Variants in PSMB2 observed in about 807,000 individuals in gnomAD.
The protein encoded by PSMB2 is proteasome 20S subunit beta 2, also known as proteasome subunit beta type-2.
A neutral mutation model predicts 25.7 loss-of-function variants in PSMB2; 13 were observed. That is an observed-to-expected ratio of 0.51 (90% CI 0.33 to 0.80). The LOEUF (loss-of-function observed/expected upper bound fraction) is 0.80, where lower values mean the gene tolerates loss of function less well. Among genes scored for constraint, PSMB2 ranks in the 30% least tolerant of loss-of-function variants. The pLI, the probability that PSMB2 is intolerant of heterozygous loss-of-function variation, is 0.02. For missense variants in PSMB2, 202 were observed against 259.0 expected, an observed-to-expected ratio of 0.78 and a Z score of 1.51; for synonymous variants, 87 against 96.2, an observed-to-expected ratio of 0.90 and a Z score of 0.56.
rs183402919 is a variant in PSMB2 at position 35,600,266 on chromosome 1, C to T, written c.*3001G>A. The T allele has an allele frequency of 2.2e-4, 217 of 983,796 alleles. 3 individuals carry two copies. The East Asian group carries it at 0.019, about 87-fold the overall frequency. The allele number at this position is 983,796 out of a possible 1,614,324, so 60.9% of individuals were successfully genotyped here. On this transcript the variant is annotated 3_prime_UTR_variant, in exon 6 of 6. Coordinates refer to ENST00000373237, the MANE Select transcript of PSMB2 (RefSeq NM_002794.5). ...CATAAAAATGATGCCCAGCTAAATG[C>T]AATGTTGTATCTTGGATTATATCCT... is the stretch of plus-strand genomic sequence containing the variant.
intron 5 of PSMB2, 110 bp downstream of exon 5, chr1:35,605,123 T>C (rs1650123747): frequency 2.0e-6 from 2 of 979,264 alleles, no homozygotes; most frequent in Admixed American, 2.4e-5. Context: ...TTAGTGGGTA[T>C]GTATTACACC....
rs1008045830 is a variant in PSMB2, at chr1:35,632,927, A to T, written c.215-1583T>A. 4.6e-5 allele frequency among the ~76,000 whole-genome samples: 7 copies of T among 151,724 alleles called. 1 individual carries two copies. Among genetic ancestry groups the T allele is most frequent in the Admixed American group, 2.0e-4 (3 of 15,232 alleles). On this transcript the variant is annotated intron_variant, in intron 2 of 5. Transcript: ENST00000373237. ...ACAACAAAAATAATAATAATAATTTAAAAAAAGAGGCCAGGCACAGTGGCT... is the reference window on the plus strand; with the variant it reads ...ACAACAAAAATAATAATAATAATTTTAAAAAAGAGGCCAGGCACAGTGGCT...
chr1:35,609,157 G>A (rs1650257134), intron 4 of PSMB2, 89 bp downstream of exon 4: 1 of 1,297,110 alleles, frequency 7.7e-7, no homozygotes, highest in African/African-American at 1.5e-5. Flanking sequence ...TTCAAGCCCT[G>A]GCCACCCAAC....
intron 3 of PSMB2, among the ~76,000 whole-genome samples, chr1:35,619,919 A>C (rs1650631106): frequency 6.6e-6 from 1 of 152,262 alleles, no homozygotes; most frequent in Non-Finnish European, 1.5e-5. Context: ...TTGTGCAATG[A>C]TAAAACCAAC....
chr1:35,635,214 G>T (rs1253432082), intron 2 of PSMB2, among the ~76,000 whole-genome samples: 1 of 151,014 alleles, frequency 6.6e-6, no homozygotes, highest in African/African-American at 2.4e-5. Context: ...AGCCGAGATT[G>T]TGCCACTGCA....
At chr1:35,603,400 G>A (rs1304420070) in intron 5 of PSMB2, 26 bp from the exon 6 acceptor site, 5 of 1,612,430 alleles carry the variant, frequency 3.1e-6, no homozygotes, top group Non-Finnish European at 3.4e-6. Context: ...GAGGAAATCA[G>A]TCAACAAATG....
rs1307242495 is a variant in PSMB2 at position 35,622,979 on chromosome 1, C to T, written c.285+8295G>A. On this transcript the variant is annotated intron_variant, in intron 3 of 5. Transcript: ENST00000373237. Reference sequence around the variant, plus strand: ...AGTCAAGCTTTAACTAATGCATACGCATACTGCTTAAAAGGGCAGCTGTCA... The same window carrying T: ...AGTCAAGCTTTAACTAATGCATACGTATACTGCTTAAAAGGGCAGCTGTCA... Among the ~76,000 whole-genome samples the T allele has an allele frequency of 1.7e-4, 26 of 152,262 alleles. No homozygotes were observed. In the East Asian group the frequency reaches 4.8e-3, roughly 28 times the overall value.
intron 3 of PSMB2, among the ~76,000 whole-genome samples, chr1:35,619,260 G>C (rs1484107748): frequency 1.3e-5 from 2 of 152,162 alleles, no homozygotes; most frequent in Non-Finnish European, 2.9e-5. Context: ...TTAAGCTCAG[G>C]AATGTTGCTG....
At chr1:35,641,037 C>T (rs1000446885) in intron 1 of PSMB2, among the ~76,000 whole-genome samples, 2 of 151,936 alleles carry the variant, frequency 1.3e-5, no homozygotes, top group African/African-American at 4.8e-5. Flanking sequence ...ACTAATAATA[C>T]AAAAATTAGC....
Position 35,603,194 on chromosome 1 carries a change from T to C in PSMB2, c.*73A>G. 1.3e-6 allele frequency: 2 copies of C among 1,562,448 alleles called. No homozygotes were observed. The highest frequency in any genetic ancestry group is 1.7e-6 in the Non-Finnish European group (2 of 1,160,166). ...ATTAACCATTTATCAAGAGTGCGCCTGAAAAGAGTAGAAAAAAATAAAGGA... is the reference window on the plus strand; with the variant it reads ...ATTAACCATTTATCAAGAGTGCGCCCGAAAAGAGTAGAAAAAAATAAAGGA... On this transcript the variant is annotated 3_prime_UTR_variant, in exon 6 of 6. Coordinates refer to ENST00000373237, the MANE Select transcript of PSMB2 (RefSeq NM_002794.5).
chr1:35,621,333 T>C (rs1286985626), intron 3 of PSMB2, among the ~76,000 whole-genome samples: 1 of 152,140 alleles, frequency 6.6e-6, no homozygotes, highest in Non-Finnish European at 1.5e-5. Context: ...CTCCTCCATT[T>C]CTCCATCTGA....
chr1:35,636,439 AAAG>A lies in PSMB2; in HGVS notation c.92-10_92-8del. 6.2e-7 allele frequency: 1 copy of A among 1,612,110 alleles called. No homozygotes were observed. Among genetic ancestry groups the A allele is most frequent in the South Asian group, 1.1e-5 (1 of 90,616 alleles). On this transcript the variant is annotated splice_region_variant and splice_polypyrimidine_tract_variant and intron_variant, in intron 1 of 5. Transcript: ENST00000373237. Reference sequence around the variant, plus strand: ...TTAAACATCTTGTCATGATCTGCTCAAAGAAGAAAACTGTGTTAGAAACTGCCT... The same window carrying A: ...TTAAACATCTTGTCATGATCTGCTCAAAGAAAACTGTGTTAGAAACTGCCT...
chr1:35,641,090 T>G lies in PSMB2; in HGVS notation c.91+252A>C, dbSNP rs1313643045. Among the ~76,000 whole-genome samples, 5 of 152,138 alleles carry G rather than the reference T, an allele frequency of 3.3e-5. No individual in the cohort carries two copies. The East Asian group carries it at 5.8e-4, about 18-fold the overall frequency. ...ATCTGTTCCCAGCTACTCGGGAGGCTGAGGCACGAGAATCGCTTGAACCCG... is the reference window on the plus strand; with the variant it reads ...ATCTGTTCCCAGCTACTCGGGAGGCGGAGGCACGAGAATCGCTTGAACCCG... On this transcript the variant is annotated intron_variant, in intron 1 of 5. Transcript: ENST00000373237.
chr1:35,609,214 C>A, intron 4 of PSMB2, 32 bp downstream of exon 4: 1 of 1,509,216 alleles, frequency 6.6e-7, no homozygotes, highest in South Asian at 1.3e-5. Flanking sequence ...AGGGCTCTGC[C>A]ACTGCTCCCT....
Position 35,602,954 on chromosome 1 carries a change from T to C in PSMB2, c.*313A>G. On this transcript the variant is annotated 3_prime_UTR_variant, in exon 6 of 6. Transcript: ENST00000373237. ...TGGAGATACTAGCAAGTAAAATATA[T>C]GAAAGAGCTAGTTGGAAAGGAAGCC... The C allele has an allele frequency of 5.7e-6, 6 of 1,058,742 alleles. No homozygotes were observed. Among genetic ancestry groups the C allele is most frequent in the Non-Finnish European group, 6.9e-6 (6 of 875,588 alleles). 65.6% of individuals were successfully genotyped at this position (1,058,742 alleles called of 1,614,324 possible). A position where few individuals can be genotyped will look rare whatever the true frequency, so the allele number is the denominator to read the frequency against.
chr1:35,611,625 A>AC (rs1474339673), intron 3 of PSMB2, among the ~76,000 whole-genome samples: 1 of 151,980 alleles, frequency 6.6e-6, no homozygotes, highest in East Asian at 1.9e-4. Flanking sequence ...GGAGTTTGAG[A>AC]CCAGCCTGGC....
chr1:35,627,883 T>C (rs1395004641), intron 3 of PSMB2, among the ~76,000 whole-genome samples: 1 of 152,158 alleles, frequency 6.6e-6, no homozygotes, highest in Non-Finnish European at 1.5e-5. Context: ...ATATACTCAG[T>C]GGTAGTAAAT....
chr1:35,609,118 C>T (rs556585029), intron 4 of PSMB2, 128 bp downstream of exon 4: 1 of 906,486 alleles, frequency 1.1e-6, no homozygotes, highest in African/African-American at 1.7e-5. Flanking sequence ...CAGAGGGGAA[C>T]CTGGTTATGC....
chr1:35,618,160 G>A (rs555649069), intron 3 of PSMB2, among the ~76,000 whole-genome samples: 34 of 152,202 alleles, frequency 2.2e-4, no homozygotes, highest in African/African-American at 7.2e-4. Flanking sequence ...TAGAGGGGGC[G>A]GAGAGAGAGG....
Sources: allele counts gnomAD v4.1 joint callset (sites outside exome capture counted in the v4.1 genomes callset), GRCh38; gene constraint gnomAD v4.1.1; transcripts MANE v1.5; gene names NCBI Gene and HGNC (gene_info 2026-07-23, HGNC 2026-07-21).